AGPAT5: variants seen among roughly 807,000 people sequenced by gnomAD.
The protein encoded by AGPAT5 is 1-acyl-sn-glycerol-3-phosphate acyltransferase epsilon.
AGPAT5 carries 46 observed loss-of-function variants against 45.6 expected under a neutral mutation model. That is an observed-to-expected ratio of 1.01 (90% CI 0.80 to 1.29). The LOEUF is 1.29. Ranked by LOEUF, AGPAT5 falls within the 50% of genes most tolerant of loss-of-function variation. The pLI is 0.00. For synonymous variants in AGPAT5, 272 were observed against 167.0 expected (o/e 1.63, Z -4.85); for missense variants, 673 against 450.7 (o/e 1.49, Z -4.47).
At chr8:6,739,509 T>C (rs966515656) in intron 4 of AGPAT5, among the ~76,000 whole-genome samples, 16 of 152,148 alleles carry the variant, frequency 1.1e-4, no homozygotes, top group Admixed American at 2.0e-4. Context: ...TTGCCAGATA[T>C]ATCCCTAAGA....
At chr8:6,752,584 G>C (rs1232768605) in intron 6 of AGPAT5, among the ~76,000 whole-genome samples, 2 of 151,056 alleles carry the variant, frequency 1.3e-5, no homozygotes, top group Non-Finnish European at 2.9e-5. Context: ...GCTTGGTTTT[G>C]CAGCAAGTAG....
rs114207186 is a variant in AGPAT5 at position 6,713,595 on chromosome 8, C to A, written c.219+4708C>A. On this transcript the variant is annotated intron_variant, in intron 1 of 7. Transcript: ENST00000285518. ...GTAAGACAGAATCTCACACTGTTGC[C>A]CAAACCAGAGGTGCAGTGGTGCAGT... 9.9e-3 allele frequency among the ~76,000 whole-genome samples: 1,500 copies of A among 152,268 alleles called. 19 individuals carry two copies. Among genetic ancestry groups the A allele is most frequent in the African/African-American group, 0.035 (1,445 of 41,536 alleles).
chr8:6,711,117 C>G (rs1202879128), intron 1 of AGPAT5, among the ~76,000 whole-genome samples: 1 of 152,022 alleles, frequency 6.6e-6, no homozygotes, highest in Admixed American at 6.6e-5. Flanking sequence ...CATTTTTACA[C>G]CTTTCAACTC....
At chr8:6,719,705 C>A (rs1380633155) in intron 1 of AGPAT5, among the ~76,000 whole-genome samples, 3 of 152,168 alleles carry the variant, frequency 2.0e-5, no homozygotes, top group East Asian at 1.9e-4. Context: ...CTGTTGGAAC[C>A]AAATTCATTA....
At chr8:6,737,018 A>G (rs1000904999) in intron 4 of AGPAT5, among the ~76,000 whole-genome samples, 8 of 152,242 alleles carry the variant, frequency 5.3e-5, no homozygotes, top group African/African-American at 1.7e-4. Flanking sequence ...AAATAATGTT[A>G]TATCCAGCTT....
rs931402430 is a variant in AGPAT5 at position 6,760,609 on chromosome 8, C to G, written c.*3221C>G. ...GATTGAAGATTGAGTGAAATATTTT[C>G]TTGGCAGATATTCCGTATCTGGTGG... On this transcript the variant is annotated 3_prime_UTR_variant, in exon 8 of 8. Transcript: ENST00000285518. 3.3e-5 allele frequency among the ~76,000 whole-genome samples: 5 copies of G among 152,086 alleles called. No homozygotes were observed. The highest frequency in any genetic ancestry group is 1.2e-4 in the African/African-American group (5 of 41,406).
chr8:6,713,339 A>G (rs937958087), intron 1 of AGPAT5, among the ~76,000 whole-genome samples: 3 of 152,156 alleles, frequency 2.0e-5, no homozygotes, highest in Non-Finnish European at 4.4e-5. Context: ...TTTACTTCAG[A>G]ATATATTTTA....
At chr8:6,717,089 A>G (rs80300989) in intron 1 of AGPAT5, among the ~76,000 whole-genome samples, 1,771 of 152,320 alleles carry the variant, frequency 0.012, 39 homozygotes, top group African/African-American at 0.04. Flanking sequence ...GAGCAAAGTC[A>G]GAGAAGTTAA....
In AGPAT5 at chr8:6,760,225, AC is replaced by A. The variant is rs934608119; in HGVS notation, c.*2838del. ...TGGGCAACATATCGAGAACCTGTCT[AC>A]AAAAAAATTAAAAAAAATTAGCCAG... On this transcript the variant is annotated 3_prime_UTR_variant, in exon 8 of 8. Coordinates refer to ENST00000285518, the MANE Select transcript of AGPAT5 (RefSeq NM_018361.5). Among the ~76,000 whole-genome samples, 6 of 152,216 alleles carry A rather than the reference AC, an allele frequency of 3.9e-5. No individual in the cohort carries two copies. The South Asian group carries it at 1.2e-3, about 32-fold the overall frequency.
intron 1 of AGPAT5, 171 bp downstream of exon 1, chr8:6,709,058 C>A: frequency 2.7e-6 from 2 of 738,862 alleles, no homozygotes; most frequent in Non-Finnish European, 4.7e-6. Context: ...GCCGTTCTGC[C>A]GAGATCGCTC....
intron 1 of AGPAT5, among the ~76,000 whole-genome samples, chr8:6,711,801 C>G (rs1455095423): frequency 6.6e-6 from 1 of 152,190 alleles, no homozygotes; most frequent in Admixed American, 6.5e-5. Context: ...GGCCCCATCA[C>G]TTTAACCTCT....
intron 2 of AGPAT5, among the ~76,000 whole-genome samples, chr8:6,727,182 C>T (rs78759829): frequency 1.1e-3 from 173 of 152,238 alleles, no homozygotes; most frequent in African/African-American, 4.0e-3. Context: ...CCAGGCTTGC[C>T]GGAATAAATG....
intron 1 of AGPAT5, among the ~76,000 whole-genome samples, chr8:6,717,132 A>G (rs1477399909): frequency 6.6e-6 from 1 of 152,230 alleles, no homozygotes; most frequent in African/African-American, 2.4e-5. Context: ...CAGTGCAGAG[A>G]AACCTTGGTT....
chr8:6,741,577 A>ATT, intron 4 of AGPAT5, 84 bp from the exon 5 acceptor site: 1 of 877,054 alleles, frequency 1.1e-6, no homozygotes, highest in Non-Finnish European at 1.8e-6. Context: ...CTCTGTTAGC[A>ATT]TTAGTAGGTT....
chr8:6,753,781 CTTTAT>C (rs753131766), intron 6 of AGPAT5, among the ~76,000 whole-genome samples: 4 of 152,092 alleles, frequency 2.6e-5, no homozygotes, highest in Non-Finnish European at 5.9e-5. Flanking sequence ...AAATTAAAAT[CTTTAT>C]TTTAGTGTTT....
chr8:6,741,591 C>CT, intron 4 of AGPAT5, 70 bp from the exon 5 acceptor site: 3 of 1,117,640 alleles, frequency 2.7e-6, no homozygotes, highest in Non-Finnish European at 3.9e-6. Flanking sequence ...GTAGGTTTAG[C>CT]TTTTTTAGGT....
intron 1 of AGPAT5, among the ~76,000 whole-genome samples, chr8:6,711,460 T>C (rs1182136751): frequency 6.6e-6 from 1 of 152,378 alleles, no homozygotes; most frequent in East Asian, 1.9e-4. Flanking sequence ...AATGGGTACT[T>C]TCTTCACCAT....
intron 6 of AGPAT5, among the ~76,000 whole-genome samples, chr8:6,754,524 C>T (rs1801765904): frequency 6.6e-6 from 1 of 152,146 alleles, no homozygotes; most frequent in Admixed American, 6.6e-5. Context: ...TGAGGATTAT[C>T]AGGCGCCTGT....
intron 4 of AGPAT5, among the ~76,000 whole-genome samples, chr8:6,740,608 C>T (rs780449268): frequency 6.6e-6 from 1 of 151,588 alleles, no homozygotes; most frequent in Non-Finnish European, 1.5e-5. Context: ...GAACAAAAAG[C>T]TTGCATATTT....
Sources: allele counts gnomAD v4.1 joint callset (sites outside exome capture counted in the v4.1 genomes callset), GRCh38; gene constraint gnomAD v4.1.1; transcripts MANE v1.5; gene names NCBI Gene and HGNC (gene_info 2026-07-23, HGNC 2026-07-21).